Variants in ANKRD26 observed in about 807,000 individuals in gnomAD.
The protein encoded by ANKRD26 is ankyrin repeat domain 26.
In ANKRD26, 141 loss-of-function variants were observed where a neutral mutation model predicts 208.7. The ratio of observed to expected loss-of-function variants is 0.68; its 90% CI spans 0.59 to 0.78. The LOEUF (loss-of-function observed/expected upper bound fraction) is 0.78. ANKRD26 is among the 30% of genes least tolerant of loss of function. The pLI is 0.00. For synonymous variants in ANKRD26, 636 were observed against 660.4 expected, an observed-to-expected ratio of 0.96 and a Z score of 0.57; for missense variants, 1,889 against 1,938.7, an observed-to-expected ratio of 0.97 and a Z score of 0.48.
rs201752741 is a variant in ANKRD26 at position 27,100,222 on chromosome 10, G to C, written c.105C>G (p.Tyr35Ter). The C allele has an allele frequency of 7.6e-5, 123 of 1,612,962 alleles. 1 individual carries two copies. The highest frequency in any genetic ancestry group is 8.2e-5 in the Non-Finnish European group (97 of 1,179,870). ...CTCGGACGTGGTAGCCGGGCTGCGA[G>C]TAGGCGCCCTCCCCCGGCTCGCCCC... ...GGGGEPGEGA[Y>*]SQPGYHVRDR... The change falls in exon 1 of 34, where the codon TAC (tyrosine) becomes TAG (stop). Residue 35 changes from tyrosine (Y) to a stop codon, truncating the protein, a stop_gained. Transcript: ENST00000376087. LOFTEE classifies it high-confidence loss of function.
intron 9 of ANKRD26, among the ~76,000 whole-genome samples, chr10:27,067,767 C>A (rs910106685): frequency 6.6e-6 from 1 of 152,160 alleles, no homozygotes; most frequent in Non-Finnish European, 1.5e-5. Flanking sequence ...ACCTCCAACA[C>A]TGGGGATTAC....
At chr10:26,948,846 T>C in the ANKRD26 span, among the ~76,000 whole-genome samples, 2 of 152,006 alleles carry the variant, frequency 1.3e-5, no homozygotes, top group African/African-American at 4.8e-5. Flanking sequence ...CCCAAAAAAA[T>C]TAGCTGGGCG....
At chr10:27,080,492 T>C (rs999954613) in intron 6 of ANKRD26, among the ~76,000 whole-genome samples, 7 of 152,222 alleles carry the variant, frequency 4.6e-5, no homozygotes, top group Admixed American at 1.3e-4. Context: ...TTATTTTCCC[T>C]ATAGAGGTCC....
intron 29 of ANKRD26, among the ~76,000 whole-genome samples, chr10:27,018,876 C>G (rs1314195408): frequency 6.6e-6 from 1 of 152,124 alleles, no homozygotes; most frequent in African/African-American, 2.4e-5. Context: ...GACCTTGAAA[C>G]TATAAAACTA....
chr10:27,089,635 A>C (rs962307239), intron 4 of ANKRD26, among the ~76,000 whole-genome samples: 2 of 152,186 alleles, frequency 1.3e-5, no homozygotes, highest in African/African-American at 4.8e-5. Flanking sequence ...TACAAAAAAT[A>C]CATAAAATTA....
At chr10:27,092,719 A>G (rs1226372161) in intron 3 of ANKRD26, among the ~76,000 whole-genome samples, 1 of 152,158 alleles carries the variant, frequency 6.6e-6, no homozygotes, top group Admixed American at 6.6e-5. Flanking sequence ...TACCGGTTCT[A>G]AGAATATTTG....
intron 4 of ANKRD26, among the ~76,000 whole-genome samples, chr10:26,981,919 A>G (rs2052315038): frequency 6.6e-6 from 1 of 152,220 alleles, no homozygotes; most frequent in Admixed American, 6.5e-5. Flanking sequence ...GGGTGAGATT[A>G]GACCCTAATT....
chr10:27,045,584 TCC>T (rs1396400113), intron 18 of ANKRD26, among the ~76,000 whole-genome samples: 2 of 152,084 alleles, frequency 1.3e-5, no homozygotes, highest in African/African-American at 4.8e-5. Flanking sequence ...AACAAAATCC[TCC>T]CCTTCTCCCC....
rs10443987 is a variant in ANKRD26 at position 27,086,448 on chromosome 10, A to T, written c.709+91T>A. On this transcript the variant is annotated intron_variant, in intron 5 of 33. Coordinates refer to ENST00000376087, the MANE Select transcript of ANKRD26 (RefSeq NM_014915.3). ...ACATGCACCTTATACACTGATTTTTAAAACTGCTTTTCTGTGATCAACACT... is the reference window on the plus strand; with the variant it reads ...ACATGCACCTTATACACTGATTTTTTAAACTGCTTTTCTGTGATCAACACT... The T allele has an allele frequency of 0.82, 1,257,745 of 1,524,604 alleles. 520,723 individuals are homozygous for T. Among genetic ancestry groups the T allele is most frequent in the East Asian group, 0.99 (42,221 of 42,844 alleles). 94.4% of individuals were successfully genotyped at this position (1,524,604 alleles called of 1,614,324 possible). A position where few individuals can be genotyped will look rare whatever the true frequency, so the allele number is the denominator to read the frequency against.
chr10:26,982,520 G>A (rs2052323218), intron 4 of ANKRD26, among the ~76,000 whole-genome samples: 1 of 151,694 alleles, frequency 6.6e-6, no homozygotes, highest in Non-Finnish European at 1.5e-5. Flanking sequence ...TTGTACCTAG[G>A]ATGTTTTATT....
At chr10:27,039,472 T>A (rs2054156723) in intron 21 of ANKRD26, among the ~76,000 whole-genome samples, 1 of 151,552 alleles carries the variant, frequency 6.6e-6, no homozygotes, top group Non-Finnish European at 1.5e-5. Context: ...AAAAAAAATT[T>A]AGGTTGAAAA....
intron 17 of ANKRD26, among the ~76,000 whole-genome samples, chr10:27,047,160 A>G (rs2054476116): frequency 6.6e-5 from 10 of 152,188 alleles, no homozygotes; most frequent in Admixed American, 6.5e-4. Context: ...CATTTAAATG[A>G]AGTTTATTTT....
intron 4 of ANKRD26, among the ~76,000 whole-genome samples, chr10:26,996,448 T>C (rs980144870): frequency 1.3e-5 from 2 of 152,144 alleles, no homozygotes; most frequent in Non-Finnish European, 2.9e-5. Context: ...TAATCACAGC[T>C]ACTCAGGAGG....
Position 27,079,084 on chromosome 10 carries a change from T to C in ANKRD26, c.813+5A>G. On this transcript the variant is annotated splice_donor_5th_base_variant and intron_variant, in intron 7 of 33. Transcript: ENST00000376087. ...GAAAATTAAGTTCATGAGAGAGCACTTTACCTTAGTATCAAAATTGAGGTC... is the reference window on the plus strand; with the variant it reads ...GAAAATTAAGTTCATGAGAGAGCACCTTACCTTAGTATCAAAATTGAGGTC... 1.2e-6 allele frequency: 2 copies of C among 1,609,502 alleles called. 1 individual carries two copies. Among genetic ancestry groups the C allele is most frequent in the South Asian group, 2.2e-5 (2 of 90,950 alleles).
chr10:27,068,384 T>G (rs1368493535), intron 9 of ANKRD26, among the ~76,000 whole-genome samples: 1 of 152,212 alleles, frequency 6.6e-6, no homozygotes, highest in Non-Finnish European at 1.5e-5. Context: ...CATGAGGAAC[T>G]GAGAGTCAAT....
chr10:27,081,818 A>G (rs58353678), intron 6 of ANKRD26, among the ~76,000 whole-genome samples: 11,120 of 151,904 alleles, frequency 0.073, 473 homozygotes, highest in African/African-American at 0.11. Flanking sequence ...GCTCACTGCA[A>G]CCTCCGCCTC....
chr10:26,972,460 T>C (rs2052164116), downstream of ANKRD26, among the ~76,000 whole-genome samples: 1 of 152,166 alleles, frequency 6.6e-6, no homozygotes, highest in South Asian at 2.1e-4. Flanking sequence ...AAAATGGGCA[T>C]GAAACAAGCC....
At chr10:27,043,324 T>C (rs2054327037) in intron 20 of ANKRD26, 102 bp downstream of exon 20, 1 of 1,347,628 alleles carries the variant, frequency 7.4e-7, no homozygotes, top group Non-Finnish European at 1.0e-6. Context: ...TAGCCACCAA[T>C]GAAGCACTGC....
chr10:26,979,113 C>T (rs555869438), intron 5 of ANKRD26, among the ~76,000 whole-genome samples: 8 of 151,902 alleles, frequency 5.3e-5, no homozygotes, highest in Admixed American at 4.6e-4. Flanking sequence ...CCAGCTACTC[C>T]GGAGGCTGAG....
Sources: allele counts gnomAD v4.1 joint callset (sites outside exome capture counted in the v4.1 genomes callset), GRCh38; gene constraint gnomAD v4.1.1; transcripts MANE v1.5; gene names NCBI Gene and HGNC (gene_info 2026-07-23, HGNC 2026-07-21).